Variants in MIB1 observed in about 807,000 individuals in gnomAD.
MIB1 encodes E3 ubiquitin-protein ligase MIB1.
Under a neutral mutation model 124.5 loss-of-function variants are expected in MIB1, and 278 were observed. The observed-to-expected ratio is 2.23, with a 90% CI of 2.02 to 2.47. MIB1 has a LOEUF of 2.47. Among genes scored for constraint, MIB1 ranks in the 30% most tolerant of loss-of-function variants. MIB1 has a pLI of 0.00. For synonymous variants in MIB1, 446 were observed against 429.4 expected (o/e 1.04, Z -0.48); for missense variants, 957 against 1,254.4 (o/e 0.76, Z 3.58).
chr18:21,823,549 A>G (rs1478041299), intron 12 of MIB1, among the ~76,000 whole-genome samples: 1 of 152,224 alleles, frequency 6.6e-6, no homozygotes, highest in Non-Finnish European at 1.5e-5. Flanking sequence ...ATATGAGTCT[A>G]GATTTCAAAG....
In MIB1 at chr18:21,782,281, G is replaced by A. The variant is rs531227082; in HGVS notation, c.908+2596G>A. ...TGGGATTACAGTCATGTGCCACCAC[G>A]CCCAGCTAATTTTGTATTTTTAGTA... On this transcript the variant is annotated intron_variant, in intron 6 of 20. Coordinates refer to ENST00000261537, the MANE Select transcript of MIB1 (RefSeq NM_020774.4). Among the ~76,000 whole-genome samples, 3 of 152,014 alleles carry A rather than the reference G, an allele frequency of 2.0e-5. No homozygotes were observed. In the East Asian group the frequency reaches 5.8e-4, roughly 29 times the overall value.
chr18:21,860,098 CTTTTTTTTTTTTT>C lies in MIB1; in HGVS notation c.2880+1467_2880+1479del, dbSNP rs398032096. Among the ~76,000 whole-genome samples, 6 of 26,462 alleles carry C rather than the reference CTTTTTTTTTTTTT, an allele frequency of 2.3e-4. 1 individual carries two copies. The highest frequency in any genetic ancestry group is 1.5e-3 in the East Asian group (1 of 676). 17.4% of individuals were successfully genotyped at this position (26,462 alleles called of 152,430 possible). ...GTGTTGGTTATGTTGTTCTTTATGT[CTTTTTTTTTTTTT>C]TTTTTTTTTTTTTTAGAGTCTCACT... On this transcript the variant is annotated intron_variant, in intron 20 of 20. Coordinates refer to ENST00000261537, the MANE Select transcript of MIB1 (RefSeq NM_020774.4).
At chr18:21,726,067 A>G (rs2040740678) in intron 1 of MIB1, among the ~76,000 whole-genome samples, 1 of 152,108 alleles carries the variant, frequency 6.6e-6, no homozygotes, top group Non-Finnish European at 1.5e-5. Context: ...AAGCAAGGCA[A>G]CTCATTTAAG....
At chr18:21,831,379 A>G (rs974575155) in intron 12 of MIB1, 3 of 151,388 alleles carry the variant, frequency 2.0e-5, no homozygotes, top group Non-Finnish European at 1.5e-5. Flanking sequence ...CATGGTCACT[A>G]CGAGGCTAAC....
intron 20 of MIB1, among the ~76,000 whole-genome samples, chr18:21,863,686 C>T (rs1364673433): frequency 1.3e-5 from 2 of 151,892 alleles, no homozygotes; most frequent in East Asian, 1.9e-4. Flanking sequence ...AGGCAACAAT[C>T]GATTGGTAAA....
chr18:21,717,920 A>G (rs1196828219), intron 1 of MIB1, among the ~76,000 whole-genome samples: 2 of 152,202 alleles, frequency 1.3e-5, no homozygotes, highest in African/African-American at 4.8e-5. Context: ...AGAAGTCATT[A>G]TACGAAAAAG....
intron 1 of MIB1, among the ~76,000 whole-genome samples, chr18:21,751,217 AAAAAG>A (rs1421642327): frequency 6.6e-6 from 1 of 152,114 alleles, no homozygotes; most frequent in Non-Finnish European, 1.5e-5. Context: ...GAGGGGAAAA[AAAAAG>A]AAAAGAAAAA....
chr18:21,758,763 G>T (rs1024406049), intron 1 of MIB1, among the ~76,000 whole-genome samples: 1 of 152,114 alleles, frequency 6.6e-6, no homozygotes, highest in Non-Finnish European at 1.5e-5. Context: ...TTGAACGCCT[G>T]ACCTCGTGAT....
At chr18:21,782,936 G>A (rs931206200) in intron 6 of MIB1, among the ~76,000 whole-genome samples, 3 of 152,070 alleles carry the variant, frequency 2.0e-5, no homozygotes, top group African/African-American at 7.2e-5. Context: ...TGATGTTTGT[G>A]TTTTATATTT....
intron 6 of MIB1, among the ~76,000 whole-genome samples, chr18:21,790,292 A>C (rs999182276): frequency 6.6e-6 from 1 of 152,248 alleles, no homozygotes; most frequent in African/African-American, 2.4e-5. Context: ...ACAAAGATGT[A>C]TACGCAGGAA....
At chr18:21,773,552 T>G (rs1347623551) in intron 3 of MIB1, 72 bp from the exon 4 acceptor site, 6 of 931,708 alleles carry the variant, frequency 6.4e-6, no homozygotes, top group Non-Finnish European at 9.9e-6. Context: ...AAGATTTAAA[T>G]GTAATAATTA....
chr18:21,775,723 G>A (rs1463183826), intron 4 of MIB1, among the ~76,000 whole-genome samples: 1 of 152,124 alleles, frequency 6.6e-6, no homozygotes, highest in Non-Finnish European at 1.5e-5. Flanking sequence ...TTCAAATGAA[G>A]CCTGTGTGCT....
chr18:21,846,978 A>T lies in MIB1; in HGVS notation c.2246A>T (p.Lys749Met). ...IMGLGTQGAE[K>M]KSAASIACFL... is the part of the protein sequence containing the mutation. The stretch of plus-strand genomic sequence containing the variant: ...GGACTTGGTACCCAGGGGGCAGAGA[A>T]GAAGAGTGCAGCATCTATTGCCTGT... Residue 749 changes from lysine (K) to methionine (M), a missense_variant, in exon 16 of 21, where the codon AAG becomes ATG. Coordinates refer to ENST00000261537, the MANE Select transcript of MIB1 (RefSeq NM_020774.4). 6.2e-7 allele frequency: 1 copy of T among 1,614,146 alleles called. No individual in the cohort carries two copies. The highest frequency in any genetic ancestry group is 8.5e-7 in the Non-Finnish European group (1 of 1,180,010).
chr18:21,742,685 T>G (rs780493566), intron 1 of MIB1, among the ~76,000 whole-genome samples: 5 of 152,250 alleles, frequency 3.3e-5, no homozygotes, highest in African/African-American at 1.2e-4. Flanking sequence ...CATTTTCATA[T>G]AGATTCATCT....
intron 12 of MIB1, chr18:21,827,232 G>A (rs932921610): frequency 2.0e-5 from 3 of 152,028 alleles, no homozygotes; most frequent in Admixed American, 2.0e-4. Context: ...ATGAACAGCT[G>A]ATCTAAGTGA....
chr18:21,847,003 T>C lies in MIB1; in HGVS notation c.2271T>C (p.Cys757=). 7 of 1,614,160 alleles carry C rather than the reference T, an allele frequency of 4.3e-6. No individual in the cohort carries two copies. The highest frequency in any genetic ancestry group is 5.1e-6 in the Non-Finnish European group (6 of 1,180,020). Residue 757 remains cysteine (C), a synonymous_variant, in exon 16 of 21, where the codon TGT becomes TGC. Coordinates refer to ENST00000261537, the MANE Select transcript of MIB1 (RefSeq NM_020774.4). ...AEKKSAASIA[C]FLAANGADLS... is the part of the protein sequence containing the mutation. ...AGAAGAGTGCAGCATCTATTGCCTG[T>C]TTCTTGGCAGCCAATGGTGCTGACC...
In MIB1 at chr18:21,779,497, C is replaced by G; in HGVS notation, c.720C>G (p.Asn240Lys). 1 of 1,614,042 alleles carries G rather than the reference C, an allele frequency of 6.2e-7. No homozygotes were observed. Among genetic ancestry groups the G allele is most frequent in the Non-Finnish European group, 8.5e-7 (1 of 1,179,958 alleles). ...HCPVLGEQNG[N>K]RNPGGLQIGD... is the part of the protein sequence containing the mutation. ...AAATTACAGGTGAGCAGAATGGCAA[C>G]AGGAATCCTGGTGGATTGCAGATTG... The change falls in exon 6 of 21, where the codon AAC becomes AAG. Residue 240 changes from asparagine to lysine, a missense_variant. Asn to Lys is a moderately conservative substitution (Grantham distance 94, BLOSUM62 0). Coordinates refer to ENST00000261537, the MANE Select transcript of MIB1 (RefSeq NM_020774.4).
chr18:21,768,498 G>T, intron 2 of MIB1, 125 bp from the exon 3 acceptor site: 1 of 603,892 alleles, frequency 1.7e-6, no homozygotes, highest in Non-Finnish European at 2.7e-6. Flanking sequence ...TGCTATTATG[G>T]TAGTAACCAG....
chr18:21,745,019 G>A (rs1285102163), intron 1 of MIB1, among the ~76,000 whole-genome samples: 1 of 152,158 alleles, frequency 6.6e-6, no homozygotes, highest in Non-Finnish European at 1.5e-5. Context: ...GCACATAGAA[G>A]CTTGTATAAG....
Sources: allele counts gnomAD v4.1 joint callset (sites outside exome capture counted in the v4.1 genomes callset), GRCh38; gene constraint gnomAD v4.1.1; transcripts MANE v1.5; gene names NCBI Gene and HGNC (gene_info 2026-07-23, HGNC 2026-07-21).